The following ACKR3 variants were observed in gnomAD, a reference collection of about 807,000 sequenced individuals.
The protein encoded by ACKR3 is C-X-C chemokine receptor type 7.
Under a neutral mutation model 22.4 loss-of-function variants are expected in ACKR3, and 6 were observed. That is an observed-to-expected ratio of 0.27 (90% CI 0.15 to 0.53). ACKR3 has a LOEUF of 0.53. ACKR3 is among the 20% of genes least tolerant of loss of function. The probability of loss-of-function intolerance (pLI) is 0.96; values close to 1 mark genes in which losing one functional copy is unlikely to be tolerated. For missense variants in ACKR3, 396 were observed against 475.2 expected (o/e 0.83, Z 1.55); for synonymous variants, 209 against 205.2 (o/e 1.02, Z -0.16).
Position 236,580,841 on chromosome 2 carries a change from A to G in ACKR3, c.376A>G (p.Ile126Val). 3 of 1,614,130 alleles carry G rather than the reference A, an allele frequency of 1.9e-6. No individual in the cohort carries two copies. Among genetic ancestry groups the G allele is most frequent in the Non-Finnish European group, 2.5e-6 (3 of 1,180,012 alleles). ...TCKVTHLIFS[I>V]NLFGSIFFLT... Reference sequence around the variant, plus strand: ...CAAAGTCACACACCTCATCTTCTCCATCAACCTCTTCGGCAGCATTTTCTT... The same window carrying G: ...CAAAGTCACACACCTCATCTTCTCCGTCAACCTCTTCGGCAGCATTTTCTT... Residue 126 changes from isoleucine (I) to valine (V), a missense_variant, in exon 2 of 2, where the codon ATC becomes GTC. Coordinates refer to ENST00000272928, the MANE Select transcript of ACKR3 (RefSeq NM_020311.3).
At chr2:236,553,709 G>A in the ACKR3 span, among the ~76,000 whole-genome samples, 1 of 152,408 alleles carries the variant, frequency 6.6e-6, no homozygotes, top group South Asian at 2.1e-4. Flanking sequence ...ATGCGGGAGG[G>A]GCACCAGCAA....
chr2:236,541,827 T>C, the ACKR3 span, among the ~76,000 whole-genome samples: 1 of 152,226 alleles, frequency 6.6e-6, no homozygotes, highest in African/African-American at 2.4e-5. Flanking sequence ...GTTTTATAAA[T>C]GGGAGTTCCC....
chr2:236,546,711 C>T, the ACKR3 span, among the ~76,000 whole-genome samples: 1 of 152,214 alleles, frequency 6.6e-6, no homozygotes, highest in Non-Finnish European at 1.5e-5. The surrounding 1 kb of genome is among the most constrained non-coding windows in gnomAD (Gnocchi z 4.9). Context: ...CATCCAGACC[C>T]TGCCTGGGGA....
At chr2:236,554,137 T>G in the ACKR3 span, among the ~76,000 whole-genome samples, 1 of 152,174 alleles carries the variant, frequency 6.6e-6, no homozygotes, top group Non-Finnish European at 1.5e-5. Flanking sequence ...TATCTGCCCC[T>G]CTCCCTTCCT....
At chr2:236,565,835 C>T (rs1295748934), upstream of ACKR3, among the ~76,000 whole-genome samples, 2 of 152,132 alleles carry the variant, frequency 1.3e-5, no homozygotes, top group African/African-American at 4.8e-5. Context: ...GCTTTTAAGC[C>T]GTTGCCCTGC....
the ACKR3 span, among the ~76,000 whole-genome samples, chr2:236,554,113 C>T: frequency 6.6e-6 from 1 of 152,254 alleles, no homozygotes; most frequent in African/African-American, 2.4e-5. Context: ...GGAAAAAGTC[C>T]TAGGTGGCTC....
At chr2:236,538,719 A>C in the ACKR3 span, among the ~76,000 whole-genome samples, 2 of 152,176 alleles carry the variant, frequency 1.3e-5, no homozygotes, top group Non-Finnish European at 2.9e-5. Flanking sequence ...TAAAATACAG[A>C]CTGCCTAATT....
the ACKR3 span, among the ~76,000 whole-genome samples, chr2:236,540,554 T>C: frequency 6.6e-6 from 1 of 152,236 alleles, no homozygotes. Flanking sequence ...TTTAGTGTTT[T>C]TCATGTTCTA....
At chr2:236,563,299 G>A (rs988706564), upstream of ACKR3, among the ~76,000 whole-genome samples, 2 of 152,174 alleles carry the variant, frequency 1.3e-5, no homozygotes, top group African/African-American at 4.8e-5. Flanking sequence ...ATGGGCATCC[G>A]GCACGCGCCA....
At chr2:236,571,476 C>T (rs945053537) in intron 1 of ACKR3, among the ~76,000 whole-genome samples, 2 of 152,170 alleles carry the variant, frequency 1.3e-5, no homozygotes, top group Non-Finnish European at 2.9e-5. Context: ...CATAAAGCAT[C>T]GCCAAGGCAG....
intron 1 of ACKR3, among the ~76,000 whole-genome samples, chr2:236,575,809 A>G (rs1691402791): frequency 1.3e-5 from 2 of 152,188 alleles, no homozygotes; most frequent in African/African-American, 4.8e-5. Context: ...ACCAGGCTTT[A>G]CTGAGTCGTG....
chr2:236,557,281 T>C, the ACKR3 span, among the ~76,000 whole-genome samples: 6 of 151,938 alleles, frequency 3.9e-5, no homozygotes, highest in East Asian at 1.9e-4. Context: ...TGTGTGTGTG[T>C]GCATACGTAT....
In ACKR3 at chr2:236,574,180, G is replaced by A. The variant is rs1691362208; in HGVS notation, c.-27+4256G>A. ...AGAGCAGTGCCTCCTGGAACAAGAGGCTCAGTCCGTCAACACCAGCTCGGT... is the reference window on the plus strand; with the variant it reads ...AGAGCAGTGCCTCCTGGAACAAGAGACTCAGTCCGTCAACACCAGCTCGGT... On this transcript the variant is annotated intron_variant, in intron 1 of 1. Transcript: ENST00000272928. This position sits in a 1 kb window ranked among gnomAD's most constrained non-coding sequence, Gnocchi z 5.6. 6.6e-6 allele frequency among the ~76,000 whole-genome samples: 1 copy of A among 152,052 alleles called. No homozygotes were observed. The highest frequency in any genetic ancestry group is 1.9e-4 in the East Asian group (1 of 5,172).
At chr2:236,557,869 G>A in the ACKR3 span, among the ~76,000 whole-genome samples, 608 of 152,236 alleles carry the variant, frequency 4.0e-3, 1 homozygote, top group Non-Finnish European at 6.4e-3. Flanking sequence ...TGCCAGAAAC[G>A]TGAGACCTGA....
chr2:236,556,640 T>C, the ACKR3 span, among the ~76,000 whole-genome samples: 1 of 152,212 alleles, frequency 6.6e-6, no homozygotes, highest in Non-Finnish European at 1.5e-5. Flanking sequence ...GCTGGCACAT[T>C]GATCTCAGCC....
chr2:236,547,838 A>AT, the ACKR3 span, among the ~76,000 whole-genome samples: 11,106 of 139,566 alleles, frequency 0.08, 1,302 homozygotes, highest in African/African-American at 0.27. Flanking sequence ...TCTTTCATTC[A>AT]TTTTTTTTTT....
At chr2:236,572,015 C>A (rs113780879) in intron 1 of ACKR3, among the ~76,000 whole-genome samples, 25 of 152,022 alleles carry the variant, frequency 1.6e-4, no homozygotes, top group African/African-American at 5.8e-4. Context: ...AACTAAAGAT[C>A]GTGTCATGTC....
At chr2:236,556,561 G>A in the ACKR3 span, among the ~76,000 whole-genome samples, 5 of 152,302 alleles carry the variant, frequency 3.3e-5, no homozygotes, top group African/African-American at 4.8e-5. Context: ...GAATGCAGGT[G>A]GCCCCTAGTA....
chr2:236,541,358 A>G, the ACKR3 span, among the ~76,000 whole-genome samples: 1 of 152,332 alleles, frequency 6.6e-6, no homozygotes, highest in East Asian at 1.9e-4. Flanking sequence ...TTCATGAAAC[A>G]TCCCTCGTCT....
Sources: gnomAD v4.1 joint callset for allele counts (sites outside exome capture counted in the v4.1 genomes callset) on GRCh38, gnomAD v4.1.1 for gene constraint, Gnocchi (gnomAD v3.1) non-coding constraint, MANE v1.5 for transcripts, NCBI Gene and HGNC (gene_info 2026-07-23, HGNC 2026-07-21) for gene names.